DLGAP1: variants seen among roughly 807,000 people sequenced by gnomAD.
DLGAP1 encodes the protein disks large-associated protein 1.
DLGAP1 carries 11 observed loss-of-function variants against 90.8 expected under a neutral mutation model. That is an observed-to-expected ratio of 0.12 (90% confidence interval 0.08 to 0.20). The LOEUF is 0.20. Ranked by LOEUF, DLGAP1 falls within the 10% of genes least tolerant of loss-of-function variation. The pLI is 1.00. For synonymous variants in DLGAP1, 558 were observed against 540.7 expected (o/e 1.03, Z -0.44); for missense variants, 1,050 against 1,333.8 (o/e 0.79, Z 3.31).
At chr18:3,774,115 C>A (rs1040738168) in intron 5 of DLGAP1, 1 of 152,080 alleles carries the variant, frequency 6.6e-6, no homozygotes, top group Non-Finnish European at 1.5e-5. Context: ...TGGGTTTAGG[C>A]GGCATCCTTA....
chr18:4,326,435 T>TA, intron 1 of DLGAP1, among the ~76,000 whole-genome samples: 1 of 152,198 alleles, frequency 6.6e-6, no homozygotes, highest in East Asian at 1.9e-4. Context: ...CAGTGTGGCA[T>TA]ATCCTGAAAG....
chr18:3,527,508 A>G (rs2051719610), intron 10 of DLGAP1, among the ~76,000 whole-genome samples: 2 of 148,814 alleles, frequency 1.3e-5, no homozygotes, highest in African/African-American at 5.0e-5. Context: ...GAACATGAAC[A>G]TGGTTGTTCT....
intron 2 of DLGAP1, among the ~76,000 whole-genome samples, chr18:4,100,417 T>C (rs1027404070): frequency 7.2e-5 from 11 of 152,236 alleles, no homozygotes; most frequent in Admixed American, 7.2e-4. Flanking sequence ...GTAAGCCATG[T>C]TGTAATCAGA....
intron 11 of DLGAP1, among the ~76,000 whole-genome samples, chr18:3,505,107 A>G (rs2050142809): frequency 1.8e-5 from 2 of 113,974 alleles, no homozygotes; most frequent in Non-Finnish European, 4.0e-5. Flanking sequence ...CTGACCAATC[A>G]TGGTGCCACT....
intron 9 of DLGAP1, among the ~76,000 whole-genome samples, chr18:3,550,734 C>CTTTTTT (rs1165404588): frequency 1.2e-4 from 10 of 85,204 alleles, no homozygotes; most frequent in Non-Finnish European, 1.6e-4. Flanking sequence ...GAACCAGACC[C>CTTTTTT]TTTTTTTTTT....
At chr18:4,394,214 T>C (rs981556697) in intron 1 of DLGAP1, among the ~76,000 whole-genome samples, 2 of 152,220 alleles carry the variant, frequency 1.3e-5, no homozygotes, top group African/African-American at 4.8e-5. Flanking sequence ...ATGAGTTCCA[T>C]GAGCCTTGAA....
At chr18:4,352,783 G>A (rs2081428245) in intron 1 of DLGAP1, among the ~76,000 whole-genome samples, 1 of 152,128 alleles carries the variant, frequency 6.6e-6, no homozygotes, top group African/African-American at 2.4e-5. Flanking sequence ...TCATGGCAAT[G>A]TCTCAGTCTT....
chr18:4,290,355 CA>C (rs1568493388), intron 1 of DLGAP1, among the ~76,000 whole-genome samples: 1 of 152,132 alleles, frequency 6.6e-6, no homozygotes, highest in African/African-American at 2.4e-5. Flanking sequence ...GGGTGTAAAA[CA>C]GAGAATGGAA....
At chr18:3,668,529 C>T (rs1319090129) in intron 7 of DLGAP1, among the ~76,000 whole-genome samples, 2 of 152,012 alleles carry the variant, frequency 1.3e-5, no homozygotes, top group Non-Finnish European at 2.9e-5. Context: ...CTGTGTTGCC[C>T]AGGCTGGGGA....
chr18:3,942,377 G>T (rs2072786745), intron 3 of DLGAP1, among the ~76,000 whole-genome samples: 1 of 152,192 alleles, frequency 6.6e-6, no homozygotes, highest in African/African-American at 2.4e-5. Context: ...GCGTCTGACT[G>T]CACAGTCGGA....
chr18:3,723,275 G>T (rs1254484808), intron 7 of DLGAP1, among the ~76,000 whole-genome samples: 1 of 152,194 alleles, frequency 6.6e-6, no homozygotes. Flanking sequence ...CAGGCAGCAG[G>T]TTGGACTTGG....
At chr18:3,741,241 C>T (rs1376470498) in intron 6 of DLGAP1, among the ~76,000 whole-genome samples, 3 of 125,064 alleles carry the variant, frequency 2.4e-5, no homozygotes. Flanking sequence ...CCACCACCAC[C>T]ATCACCATCA....
In DLGAP1 at chr18:3,727,667, CACTT is replaced by C. The variant is rs2062236015; in HGVS notation, c.1591+1464_1591+1467del. Reference sequence around the variant, plus strand: ...GGGACAGGGCAGACCTTCCAAATCACACTTACTGCATGAATGCAAACACATACAA... The same window carrying C: ...GGGACAGGGCAGACCTTCCAAATCACACTGCATGAATGCAAACACATACAA... On this transcript the variant is annotated intron_variant, in intron 7 of 12. Coordinates refer to ENST00000315677, the MANE Select transcript of DLGAP1 (RefSeq NM_004746.4). This position sits in a 1 kb window ranked among gnomAD's most constrained non-coding sequence, Gnocchi z 4.7. 1.3e-5 allele frequency: 2 copies of C among 152,202 alleles called. No homozygotes were observed. The highest frequency in any genetic ancestry group is 2.1e-4 in the South Asian group (1 of 4,830). The allele number at this position is 152,202 out of a possible 1,614,324, so 9.4% of individuals were successfully genotyped here. A position where few individuals can be genotyped will look rare whatever the true frequency, so the allele number is the denominator to read the frequency against.
chr18:4,000,497 C>CA (rs1208742551), intron 3 of DLGAP1, among the ~76,000 whole-genome samples: 1 of 152,048 alleles, frequency 6.6e-6, no homozygotes, highest in Non-Finnish European at 1.5e-5. Flanking sequence ...ATGAGTTATA[C>CA]AAAAAAATGT....
Position 3,892,977 on chromosome 18 carries a change from G to C in DLGAP1, c.-72-12837C>G, listed in dbSNP as rs181194711. Reference sequence around the variant, plus strand: ...TGCAGTTTTGTTACATTGTGTAGAAGTAAAGGCTGGGCTTTTAGTGTAGCC... The same window carrying C: ...TGCAGTTTTGTTACATTGTGTAGAACTAAAGGCTGGGCTTTTAGTGTAGCC... On this transcript the variant is annotated intron_variant, in intron 3 of 12. Coordinates refer to ENST00000315677, the MANE Select transcript of DLGAP1 (RefSeq NM_004746.4). Among the ~76,000 whole-genome samples, 366 of 150,590 alleles carry C rather than the reference G, an allele frequency of 2.4e-3. 4 individuals carry two copies. Among genetic ancestry groups the C allele is most frequent in the African/African-American group, 8.4e-3 (345 of 41,176 alleles).
Position 3,907,827 on chromosome 18 carries a change from G to C in DLGAP1, c.-72-27687C>G, listed in dbSNP as rs140982259. On this transcript the variant is annotated intron_variant, in intron 3 of 12. Transcript: ENST00000315677. ...CACAGATCAGAGGCCAGCGAGGCCA[G>C]GCTGTGAGGACGTAACCCATTCAGG... Among the ~76,000 whole-genome samples the C allele has an allele frequency of 8.1e-4, 124 of 152,316 alleles. 1 individual carries two copies. In the East Asian group the frequency reaches 0.018, roughly 22 times the overall value.
chr18:3,952,979 C>CTG (rs1417912687), intron 3 of DLGAP1, among the ~76,000 whole-genome samples: 1 of 152,178 alleles, frequency 6.6e-6, no homozygotes, highest in Admixed American at 6.5e-5. Flanking sequence ...GGGCTAGACT[C>CTG]TGTGTTCTGC....
At chr18:4,144,173 G>C (rs887677636) in intron 2 of DLGAP1, among the ~76,000 whole-genome samples, 9 of 152,182 alleles carry the variant, frequency 5.9e-5, no homozygotes, top group African/African-American at 2.2e-4. Flanking sequence ...CACAGCACCA[G>C]GACTTGCCCC....
chr18:4,078,277 C>T (rs991689483), intron 2 of DLGAP1, among the ~76,000 whole-genome samples: 1 of 152,166 alleles, frequency 6.6e-6, no homozygotes, highest in African/African-American at 2.4e-5. Flanking sequence ...ATAACTGAGA[C>T]AGGCAGGACC....
Sources: allele counts gnomAD v4.1 joint callset (sites outside exome capture counted in the v4.1 genomes callset), GRCh38; gene constraint gnomAD v4.1.1; non-coding constraint Gnocchi (gnomAD v3.1); transcripts MANE v1.5; gene names NCBI Gene and HGNC (gene_info 2026-07-23, HGNC 2026-07-21).